The following DAB1 variants were observed in gnomAD, a reference collection of about 807,000 sequenced individuals.
DAB1 encodes the protein DAB adaptor protein 1, also known as disabled homolog 1.
A neutral mutation model predicts 64.6 loss-of-function variants in DAB1; 15 were observed. The ratio of observed to expected loss-of-function variants is 0.23; its 90% CI spans 0.16 to 0.36. DAB1 has a LOEUF of 0.36. DAB1 is among the 10% of genes least tolerant of loss of function. The pLI, the probability that DAB1 is intolerant of heterozygous loss-of-function variation, is 1.00. For missense variants in DAB1, 596 were observed against 706.7 expected, an observed-to-expected ratio of 0.84 and a Z score of 1.78; for synonymous variants, 235 against 251.9, an observed-to-expected ratio of 0.93 and a Z score of 0.64.
chr1:57,526,708 T>TGA (rs1233537131), intron 7 of DAB1, among the ~76,000 whole-genome samples: 1 of 152,226 alleles, frequency 6.6e-6, no homozygotes, highest in Non-Finnish European at 1.5e-5. Context: ...TCACAGAGCT[T>TGA]GACTTCTTCT....
At chr1:57,738,265 T>C (rs1647791837) in intron 6 of DAB1, among the ~76,000 whole-genome samples, 1 of 152,204 alleles carries the variant, frequency 6.6e-6, no homozygotes, top group African/African-American at 2.4e-5. Context: ...AAGTCAAAGC[T>C]AGTAATAATT....
At chr1:57,175,124 T>C (rs1569745674) in intron 2 of DAB1, among the ~76,000 whole-genome samples, 2 of 152,230 alleles carry the variant, frequency 1.3e-5, no homozygotes, top group South Asian at 4.1e-4. Context: ...AATCAAAGAA[T>C]ATATGTTTTA....
intron 9 of DAB1, among the ~76,000 whole-genome samples, chr1:57,057,809 T>A (rs3768197): frequency 7.3e-5 from 11 of 151,386 alleles, no homozygotes; most frequent in African/African-American, 2.2e-4. Flanking sequence ...GGGGTTTCAC[T>A]GTATTAGCCA....
chr1:58,022,324 G>A (rs1419939750), intron 5 of DAB1, among the ~76,000 whole-genome samples: 27 of 152,206 alleles, frequency 1.8e-4, no homozygotes, highest in Admixed American at 1.8e-3. Flanking sequence ...GAAATGCAAA[G>A]GCAATGCTGT....
At chr1:57,701,081 C>T (rs372079812) in intron 6 of DAB1, among the ~76,000 whole-genome samples, 6,083 of 151,348 alleles carry the variant, frequency 0.04, 357 homozygotes, top group African/African-American at 0.12. Context: ...TGTGGAGAAA[C>T]AGGAACACTT....
At chr1:57,426,573 T>C (rs1417497548), upstream of DAB1, among the ~76,000 whole-genome samples, 3 of 152,194 alleles carry the variant, frequency 2.0e-5, no homozygotes, top group African/African-American at 7.2e-5. Flanking sequence ...AACGTTTCTT[T>C]ATCATCTACC....
intron 7 of DAB1, among the ~76,000 whole-genome samples, chr1:57,533,804 A>C (rs1372677533): frequency 2.0e-5 from 3 of 152,098 alleles, no homozygotes; most frequent in Non-Finnish European, 4.4e-5. Flanking sequence ...GACAGGAGAA[A>C]CGATCATTGT....
At chr1:57,437,860 T>C (rs576223021) in intron 7 of DAB1, among the ~76,000 whole-genome samples, 8 of 152,158 alleles carry the variant, frequency 5.3e-5, no homozygotes. Flanking sequence ...CAAACAGGAG[T>C]CAGATGATCA....
intron 9 of DAB1, among the ~76,000 whole-genome samples, chr1:57,053,660 C>CTCTCTCTCTG (rs1399510534): frequency 8.6e-6 from 1 of 116,700 alleles, no homozygotes; most frequent in African/African-American, 3.3e-5. Context: ...CTCTCTCTCT[C>CTCTCTCTCTG]TATATGTATA....
rs56698784 is a variant in DAB1 at position 58,407,396 on chromosome 1, T to A, written n.258-63993A>T. On this transcript the variant is annotated intron_variant and non_coding_transcript_variant, in intron 3 of 20. Coordinates refer to the DAB1 transcript ENST00000485760. The stretch of plus-strand genomic sequence containing the variant: ...CCTGGCATCTACTACAGTCCTAGCA[T>A]GTAGATATTTGTTAGCATGGATGGA... Among the ~76,000 whole-genome samples the A allele has an allele frequency of 9.0e-3, 1,365 of 152,290 alleles. 24 individuals carry two copies. The highest frequency in any genetic ancestry group is 0.031 in the African/African-American group (1,302 of 41,542).
At chr1:57,419,321 A>T (rs1684724927) in intron 1 of DAB1, among the ~76,000 whole-genome samples, 1 of 152,138 alleles carries the variant, frequency 6.6e-6, no homozygotes, top group Non-Finnish European at 1.5e-5. Flanking sequence ...ATATTCTTTC[A>T]ATCTGTAAAT....
In DAB1 at chr1:57,158,303, G is replaced by C. The variant is rs1383389663; in HGVS notation, c.68-12874C>G. Among the ~76,000 whole-genome samples, 9 of 152,170 alleles carry C rather than the reference G, an allele frequency of 5.9e-5. 1 individual carries two copies. Among genetic ancestry groups the C allele is most frequent in the Non-Finnish European group, 1.3e-4 (9 of 68,022 alleles). On this transcript the variant is annotated intron_variant, in intron 2 of 14. Coordinates refer to ENST00000371236, the MANE Select transcript of DAB1 (RefSeq NM_001365792.1). ...TGCATTGGAAGGAATGGTCCCAGCT[G>C]TTTGGGATTTTTTTGTTGTTGTTGC...
At chr1:58,032,038 G>A (rs1288308440) in intron 5 of DAB1, among the ~76,000 whole-genome samples, 3 of 140,238 alleles carry the variant, frequency 2.1e-5, no homozygotes, top group Non-Finnish European at 4.6e-5. Flanking sequence ...GTGTGTGTGT[G>A]TTTAATCTGA....
intron 6 of DAB1, among the ~76,000 whole-genome samples, chr1:57,732,144 G>A (rs368809757): frequency 2.0e-5 from 3 of 152,166 alleles, no homozygotes; most frequent in East Asian, 1.9e-4. Context: ...GGTGGAGTCA[G>A]CTGATCTGGT....
At chr1:57,969,286 T>C (rs1645740011) in intron 5 of DAB1, among the ~76,000 whole-genome samples, 1 of 152,156 alleles carries the variant, frequency 6.6e-6, no homozygotes, top group Non-Finnish European at 1.5e-5. Context: ...ACTTTTCAAA[T>C]GTACTTTTAG....
chr1:57,288,383 A>T (rs1672502422), intron 2 of DAB1, among the ~76,000 whole-genome samples: 1 of 152,130 alleles, frequency 6.6e-6, no homozygotes, highest in Non-Finnish European at 1.5e-5. Context: ...CAAAATCTAT[A>T]TGTTAAAGCC....
Position 57,176,339 on chromosome 1 carries a change from A to G in DAB1, c.68-30910T>C, listed in dbSNP as rs527370922. 5.3e-5 allele frequency among the ~76,000 whole-genome samples: 8 copies of G among 152,266 alleles called. No individual in the cohort carries two copies. The East Asian group carries it at 1.5e-3, about 29-fold the overall frequency. ...AGTCATGATGGAAGGTGGAAGGCAC[A>G]TCTCACATGGCAGCCAACAAGATGG... On this transcript the variant is annotated intron_variant, in intron 2 of 14. Transcript: ENST00000371236.
chr1:58,487,125 T>C (rs1645589616), intron 3 of DAB1, among the ~76,000 whole-genome samples: 1 of 152,182 alleles, frequency 6.6e-6, no homozygotes, highest in South Asian at 2.1e-4. Context: ...CAACAGGAAA[T>C]GACTGCGGTA....
At chr1:57,150,882 C>G (rs1290629382) in intron 2 of DAB1, among the ~76,000 whole-genome samples, 1 of 152,192 alleles carries the variant, frequency 6.6e-6, no homozygotes, top group African/African-American at 2.4e-5. Flanking sequence ...AGAGCCTATA[C>G]TGGTGGAGTG....
Sources: gnomAD v4.1 joint callset for allele counts (sites outside exome capture counted in the v4.1 genomes callset) on GRCh38, gnomAD v4.1.1 for gene constraint, MANE v1.5 for transcripts, NCBI Gene and HGNC (gene_info 2026-07-23, HGNC 2026-07-21) for gene names.